The following MITF variants were observed in gnomAD, a reference collection of about 807,000 sequenced individuals.
The protein encoded by MITF is microphthalmia-associated transcription factor.
MITF carries 17 observed loss-of-function variants against 60.5 expected under a neutral mutation model. The observed-to-expected ratio is 0.28, with a 90% CI of 0.19 to 0.42. The LOEUF is 0.42. Among genes scored for constraint, MITF ranks in the 10% least tolerant of loss-of-function variants. MITF has a pLI of 1.00. For synonymous variants in MITF, 260 were observed against 248.5 expected (o/e 1.05, Z -0.43); for missense variants, 622 against 683.5 (o/e 0.91, Z 1.00).
chr3:69,929,225 G>A (rs1401235984), intron 2 of MITF, among the ~76,000 whole-genome samples: 4 of 152,134 alleles, frequency 2.6e-5, no homozygotes, highest in East Asian at 1.9e-4. Context: ...CTTCACTGAC[G>A]TACCAAATAC....
chr3:69,866,412 T>C (rs927881413), intron 1 of MITF: 22 of 1,592,304 alleles, frequency 1.4e-5, no homozygotes, highest in Middle Eastern at 3.3e-4. Context: ...TTTTTCTCTT[T>C]AAGGGGGAGG....
chr3:69,924,492 T>TATCAAATACAAA (rs1205158552), intron 2 of MITF, among the ~76,000 whole-genome samples: 2 of 152,174 alleles, frequency 1.3e-5, no homozygotes, highest in Admixed American at 6.5e-5. Context: ...TACATAAATA[T>TATCAAATACAAA]GTGTGCACTG....
chr3:69,909,862 G>T (rs1032016371), intron 2 of MITF, among the ~76,000 whole-genome samples: 1 of 152,178 alleles, frequency 6.6e-6, no homozygotes, highest in African/African-American at 2.4e-5. Flanking sequence ...AAAATTTGCA[G>T]CCTGATGATG....
rs576996483 is a variant in MITF, at chr3:69,910,081, CCTGTG to C, written c.355-27735_355-27731del. On this transcript the variant is annotated intron_variant, in intron 2 of 9. Transcript: ENST00000352241. ...TCCAAGTGCCATTCCCAGCACAATCCCTGTGCTGTGTGCAGTCTAGGGACTTGGTG... is the reference window on the plus strand; with the variant it reads ...TCCAAGTGCCATTCCCAGCACAATCCCTGTGTGCAGTCTAGGGACTTGGTG... Among the ~76,000 whole-genome samples, 224 of 152,304 alleles carry C rather than the reference CCTGTG, an allele frequency of 1.5e-3. 1 individual carries two copies. The highest frequency in any genetic ancestry group is 5.1e-3 in the African/African-American group (213 of 41,584).
In MITF at chr3:69,961,704, T is replaced by G. The variant is rs534928756; in HGVS notation, c.1179+2284T>G. On this transcript the variant is annotated intron_variant, in intron 9 of 9. Coordinates refer to ENST00000352241, the MANE Select transcript of MITF (RefSeq NM_001354604.2). ...TGTGCCATTGCACTCCAGCCTAGGCTATAGAGCAAGACTCCGTCTCAAAAA... is the reference window on the plus strand; with the variant it reads ...TGTGCCATTGCACTCCAGCCTAGGCGATAGAGCAAGACTCCGTCTCAAAAA... Among the ~76,000 whole-genome samples the G allele has an allele frequency of 2.6e-4, 40 of 152,152 alleles. 1 individual carries two copies. Among genetic ancestry groups the G allele is most frequent in the Non-Finnish European group, 4.3e-4 (29 of 68,020 alleles).
At chr3:69,810,255 G>A (rs1456654924) in intron 1 of MITF, among the ~76,000 whole-genome samples, 1 of 152,176 alleles carries the variant, frequency 6.6e-6, no homozygotes, top group Non-Finnish European at 1.5e-5. Context: ...GGATGCTGCA[G>A]GTGGTTTTGA....
At position 69,739,499 on chromosome 3, in the gene MITF, C is replaced by A. The variant is rs995307499; in HGVS notation, c.-99C>A. On this transcript the variant is annotated 5_prime_UTR_variant, in exon 1 of 10. Coordinates refer to ENST00000352241, the MANE Select transcript of MITF (RefSeq NM_001354604.2). ...GAGCGGGCAGAGCTCGGCACTGCGC[C>A]GGGGCGCACGGCTCGGGGGACCCAG... 8.6e-7 allele frequency: 1 copy of A among 1,156,720 alleles called. No individual in the cohort carries two copies. The highest frequency in any genetic ancestry group is 1.3e-6 in the Non-Finnish European group (1 of 791,636). 71.7% of individuals were successfully genotyped at this position (1,156,720 alleles called of 1,614,324 possible). A position where few individuals can be genotyped will look rare whatever the true frequency, so the allele number is the denominator to read the frequency against.
chr3:69,876,055 TCATA>T (rs1295471753), intron 1 of MITF, among the ~76,000 whole-genome samples: 1 of 152,250 alleles, frequency 6.6e-6, no homozygotes, highest in Non-Finnish European at 1.5e-5. Context: ...CTGGTCTACT[TCATA>T]CATACGTATT....
At chr3:69,798,044 T>C (rs536198885) in intron 1 of MITF, among the ~76,000 whole-genome samples, 6 of 152,356 alleles carry the variant, frequency 3.9e-5, no homozygotes, top group East Asian at 1.9e-4. Context: ...TCAGTGGATC[T>C]GAATCCCAGT....
intron 5 of MITF, among the ~76,000 whole-genome samples, chr3:69,946,681 C>T (rs964903560): frequency 3.3e-5 from 5 of 152,078 alleles, no homozygotes; most frequent in African/African-American, 1.2e-4. Flanking sequence ...GAAAAGCAGC[C>T]GAAGCAGGAA....
intron 2 of MITF, among the ~76,000 whole-genome samples, chr3:69,912,693 G>T (rs913664535): frequency 6.6e-6 from 1 of 152,204 alleles, no homozygotes; most frequent in African/African-American, 2.4e-5. Context: ...GCTAGAGTCA[G>T]TGTTGGGGAA....
intron 1 of MITF, among the ~76,000 whole-genome samples, chr3:69,782,305 A>G (rs1446167955): frequency 6.6e-6 from 1 of 152,210 alleles, no homozygotes; most frequent in African/African-American, 2.4e-5. Context: ...TATCATCTCT[A>G]TCAATCAGTG....
chr3:69,878,012 T>C (rs1398994742), intron 1 of MITF, among the ~76,000 whole-genome samples: 2 of 152,108 alleles, frequency 1.3e-5, no homozygotes, highest in East Asian at 3.8e-4. Flanking sequence ...AATGAAACAT[T>C]TTCTACCTAT....
intron 1 of MITF, among the ~76,000 whole-genome samples, chr3:69,820,038 C>A (rs982417584): frequency 6.6e-6 from 1 of 152,068 alleles, no homozygotes; most frequent in Non-Finnish European, 1.5e-5. Flanking sequence ...GCTATTGAAC[C>A]CTTGAAATGT....
intron 1 of MITF, among the ~76,000 whole-genome samples, chr3:69,824,185 G>A (rs2063320207): frequency 6.6e-6 from 1 of 152,116 alleles, no homozygotes; most frequent in Non-Finnish European, 1.5e-5. Context: ...CAATTTGAAT[G>A]TACCCCAGGA....
chr3:69,868,024 A>G (rs1228341801), intron 1 of MITF, among the ~76,000 whole-genome samples: 7 of 152,234 alleles, frequency 4.6e-5, no homozygotes, highest in Admixed American at 3.9e-4. Context: ...GAAAAGGAAC[A>G]TGATAGCAGA....
intron 1 of MITF, among the ~76,000 whole-genome samples, chr3:69,772,426 T>C (rs530363803): frequency 2.0e-5 from 3 of 152,344 alleles, no homozygotes; most frequent in African/African-American, 7.2e-5. Flanking sequence ...TTTTTTGGGA[T>C]GTCCAATCTA....
At chr3:69,761,735 T>C (rs1440643362) in intron 1 of MITF, among the ~76,000 whole-genome samples, 2 of 152,236 alleles carry the variant, frequency 1.3e-5, no homozygotes, top group East Asian at 3.8e-4. Context: ...AGGTAGGCTG[T>C]GAATCCTCCA....
chr3:69,863,587 T>C (rs2064056192), intron 1 of MITF, among the ~76,000 whole-genome samples: 1 of 152,192 alleles, frequency 6.6e-6, no homozygotes, highest in African/African-American at 2.4e-5. Context: ...TCATGGAGGG[T>C]ACAGATTTTC....
Sources: gnomAD v4.1 joint callset for allele counts (sites outside exome capture counted in the v4.1 genomes callset) on GRCh38, gnomAD v4.1.1 for gene constraint, MANE v1.5 for transcripts, NCBI Gene and HGNC (gene_info 2026-07-23, HGNC 2026-07-21) for gene names.